Variants in ADAMTS2 observed in about 807,000 individuals in gnomAD.
ADAMTS2 encodes the protein ADAM metallopeptidase with thrombospondin type 1 motif 2.
A neutral mutation model predicts 123.0 loss-of-function variants in ADAMTS2; 50 were observed. The observed-to-expected ratio is 0.41, with a 90% confidence interval of 0.32 to 0.51. The LOEUF (loss-of-function observed/expected upper bound fraction) is 0.51, where lower values mean the gene tolerates loss of function less well. Among genes scored for constraint, ADAMTS2 ranks in the 20% least tolerant of loss-of-function variants. The pLI is 0.35. For missense variants in ADAMTS2, 1,494 were observed against 1,705.2 expected (o/e 0.88, Z 2.18); for synonymous variants, 678 against 695.4 (o/e 0.98, Z 0.39).
rs754855157 is a variant in ADAMTS2, at chr5:179,197,466, C to G, written c.891+10047G>C. 5.3e-5 allele frequency among the ~76,000 whole-genome samples: 8 copies of G among 152,136 alleles called. No homozygotes were observed. Among genetic ancestry groups the G allele is most frequent in the South Asian group, 2.1e-4 (1 of 4,830 alleles). ...GTATCTGTAGCCAGGCGTGGTGGCTCGTGCCTGTGATCCCAGCTACTCAGG... is the reference window on the plus strand; with the variant it reads ...GTATCTGTAGCCAGGCGTGGTGGCTGGTGCCTGTGATCCCAGCTACTCAGG... On this transcript the variant is annotated intron_variant, in intron 4 of 21. Transcript: ENST00000251582. This position sits in a 1 kb window ranked among gnomAD's most constrained non-coding sequence, Gnocchi z 4.2.
chr5:179,186,991 G>A (rs999845088), intron 4 of ADAMTS2, among the ~76,000 whole-genome samples: 10 of 152,112 alleles, frequency 6.6e-5, no homozygotes, highest in African/African-American at 1.9e-4. Context: ...CCCTCTCCAC[G>A]CTGGCCCTGG....
chr5:179,152,427 G>A (rs759260638), intron 9 of ADAMTS2, among the ~76,000 whole-genome samples, 172 bp from the exon 10 acceptor site: 15 of 152,154 alleles, frequency 9.9e-5, no homozygotes, highest in Admixed American at 3.9e-4. Context: ...TTGCCCATAC[G>A]GTGTGGAGGC....
intron 3 of ADAMTS2, among the ~76,000 whole-genome samples, chr5:179,217,889 CTAGG>C (rs58148842): frequency 0.13 from 17,029 of 132,482 alleles, 1,545 homozygotes; most frequent in African/African-American, 0.21. Context: ...GGCACACTCA[CTAGG>C]TAGGGGATGG....
intron 20 of ADAMTS2, 40 bp from the exon 21 acceptor site, chr5:179,121,790 G>C (rs753074786): frequency 5.5e-6 from 8 of 1,443,354 alleles, no homozygotes; most frequent in South Asian, 2.8e-5. Context: ...CAGGGCACCA[G>C]GCTGGGGCCC....
At chr5:179,114,376 T>A in intron 21 of ADAMTS2, 52 bp from the exon 22 acceptor site, 1 of 1,550,334 alleles carries the variant, frequency 6.5e-7, no homozygotes, top group Non-Finnish European at 8.8e-7. Context: ...AGGGGGACTT[T>A]GTTCCCCCAC....
intron 5 of ADAMTS2, among the ~76,000 whole-genome samples, chr5:179,164,010 G>A (rs918228644): frequency 5.9e-5 from 9 of 152,136 alleles, no homozygotes; most frequent in Non-Finnish European, 1.3e-4. Flanking sequence ...ACATGAGAGT[G>A]TGCTAGACCC....
Position 179,135,901 on chromosome 5 carries a change from G to C in ADAMTS2, c.2085+8C>G. On this transcript the variant is annotated splice_region_variant and intron_variant, in intron 13 of 21. Transcript: ENST00000251582. ...GGTAGCCCCCCGTGCCGGCCTCTGTGTACTCACCCTGCAGTCCCCGCGCAC... is the reference window on the plus strand; with the variant it reads ...GGTAGCCCCCCGTGCCGGCCTCTGTCTACTCACCCTGCAGTCCCCGCGCAC... 1 of 1,613,000 alleles carries C rather than the reference G, an allele frequency of 6.2e-7. No homozygotes were observed. Among genetic ancestry groups the C allele is most frequent in the Non-Finnish European group, 8.5e-7 (1 of 1,180,002 alleles).
intron 3 of ADAMTS2, among the ~76,000 whole-genome samples, chr5:179,266,944 A>G (rs1331454218): frequency 6.6e-6 from 1 of 151,982 alleles, no homozygotes; most frequent in Non-Finnish European, 1.5e-5. Context: ...CCTCCCTCAC[A>G]CTGCAACCAG....
At chr5:179,190,983 C>T (rs1185490107) in intron 4 of ADAMTS2, among the ~76,000 whole-genome samples, 2 of 152,372 alleles carry the variant, frequency 1.3e-5, no homozygotes, top group East Asian at 3.9e-4. Context: ...CTGGCTGCGT[C>T]GCCTTTGGGG....
At chr5:179,230,356 G>A (rs748980977) in intron 3 of ADAMTS2, among the ~76,000 whole-genome samples, 8 of 152,188 alleles carry the variant, frequency 5.3e-5, no homozygotes, top group Non-Finnish European at 1.2e-4. Flanking sequence ...GCACTCACAG[G>A]GCATTGATGC....
In ADAMTS2 at chr5:179,282,580, T is replaced by G. The variant is rs186952585; in HGVS notation, c.535-9516A>C. Among the ~76,000 whole-genome samples, 45 of 152,378 alleles carry G rather than the reference T, an allele frequency of 3.0e-4. 2 individuals are homozygous for G. Among genetic ancestry groups the G allele is most frequent in the African/African-American group, 1.0e-3 (43 of 41,590 alleles). On this transcript the variant is annotated intron_variant, in intron 2 of 21. Transcript: ENST00000251582. The stretch of plus-strand genomic sequence containing the variant: ...CAAAGCATGAGCCCTTCCTCTGTTC[T>G]TCTCCTCAATAGCATTTTGGTTAGT...
chr5:179,216,236 G>A (rs1171440617), intron 3 of ADAMTS2, among the ~76,000 whole-genome samples: 4 of 152,168 alleles, frequency 2.6e-5, no homozygotes, highest in Admixed American at 6.5e-5. Context: ...ACTGAGCAGC[G>A]TGACCCACGG....
At chr5:179,221,849 C>A (rs1008526953) in intron 3 of ADAMTS2, among the ~76,000 whole-genome samples, 14 of 152,168 alleles carry the variant, frequency 9.2e-5, no homozygotes, top group Middle Eastern at 3.2e-3. Flanking sequence ...GCTGGGCCCC[C>A]AAACCACATG....
chr5:179,316,149 C>G (rs1325346083), intron 2 of ADAMTS2, among the ~76,000 whole-genome samples: 1 of 152,058 alleles, frequency 6.6e-6, no homozygotes, highest in African/African-American at 2.4e-5. Flanking sequence ...GGCAGACATC[C>G]AAGTCCCAGA....
At chr5:179,265,243 G>C (rs557540682) in intron 3 of ADAMTS2, among the ~76,000 whole-genome samples, 2 of 152,308 alleles carry the variant, frequency 1.3e-5, no homozygotes, top group East Asian at 3.9e-4. Flanking sequence ...ACCTGCCCAC[G>C]GTGCTCCACC....
chr5:179,121,585 G>A (rs191220819), intron 21 of ADAMTS2, 76 bp downstream of exon 21: 3 of 1,240,442 alleles, frequency 2.4e-6, no homozygotes, highest in Non-Finnish European at 2.3e-6. Flanking sequence ...AGAGAGGAGG[G>A]GGGCCCAAGG....
At chr5:179,320,277 C>G (rs1032263013) in intron 2 of ADAMTS2, among the ~76,000 whole-genome samples, 14 of 152,222 alleles carry the variant, frequency 9.2e-5, no homozygotes, top group African/African-American at 3.4e-4. Flanking sequence ...CCTTGGGAAC[C>G]CTAAGCCTGC....
At chr5:179,333,602 T>G (rs1937953384) in intron 2 of ADAMTS2, among the ~76,000 whole-genome samples, 2 of 147,170 alleles carry the variant, frequency 1.4e-5, no homozygotes, top group Admixed American at 6.8e-5. Flanking sequence ...TTCTGTTTTT[T>G]TTTTTTTTTT....
At chr5:179,207,460 G>T in intron 4 of ADAMTS2, 53 bp downstream of exon 4, 1 of 1,563,664 alleles carries the variant, frequency 6.4e-7, no homozygotes, top group Non-Finnish European at 8.8e-7. Context: ...GGCCTGCCCA[G>T]CCCCTGGTTG....
Sources: allele counts gnomAD v4.1 joint callset (sites outside exome capture counted in the v4.1 genomes callset), GRCh38; gene constraint gnomAD v4.1.1; non-coding constraint Gnocchi (gnomAD v3.1); transcripts MANE v1.5; gene names NCBI Gene and HGNC (gene_info 2026-07-23, HGNC 2026-07-21).